The following CYSTM1 variants were observed in gnomAD, a reference collection of about 807,000 sequenced individuals.
The protein encoded by CYSTM1 is cysteine rich transmembrane module containing 1.
A neutral mutation model predicts 13.1 loss-of-function variants in CYSTM1; 4 were observed. That is an observed-to-expected ratio of 0.31 (90% CI 0.15 to 0.70). CYSTM1 has a LOEUF of 0.70. Among genes scored for constraint, CYSTM1 ranks in the 30% least tolerant of loss-of-function variants. The pLI, the probability that CYSTM1 is intolerant of heterozygous loss-of-function variation, is 0.72. For synonymous variants in CYSTM1, 36 were observed against 42.7 expected, an observed-to-expected ratio of 0.84 and a Z score of 0.62; for missense variants, 96 against 121.6, an observed-to-expected ratio of 0.79 and a Z score of 0.99.
chr5:140,231,831 A>G (rs1050671788), intron 2 of CYSTM1, among the ~76,000 whole-genome samples: 6 of 152,222 alleles, frequency 3.9e-5, no homozygotes, highest in Non-Finnish European at 7.3e-5. Context: ...ACAGGCAGGA[A>G]CAAGATGGAG....
chr5:140,193,045 C>G (rs1173034709), intron 1 of CYSTM1, among the ~76,000 whole-genome samples: 1 of 152,184 alleles, frequency 6.6e-6, no homozygotes, highest in East Asian at 1.9e-4. Context: ...AATAAAGTCA[C>G]TTAGGAATTT....
At chr5:140,240,243 C>T (rs372533562) in intron 2 of CYSTM1, among the ~76,000 whole-genome samples, 1 of 152,184 alleles carries the variant, frequency 6.6e-6, no homozygotes, top group East Asian at 1.9e-4. Context: ...TTTTAAATAG[C>T]ATTCCAATTA....
At chr5:140,197,529 G>T (rs1764172444) in intron 2 of CYSTM1, among the ~76,000 whole-genome samples, 1 of 152,144 alleles carries the variant, frequency 6.6e-6, no homozygotes, top group African/African-American at 2.4e-5. Context: ...GTCACCTGGG[G>T]TCCATGTTCT....
At chr5:140,191,388 C>T (rs188922502) in intron 1 of CYSTM1, among the ~76,000 whole-genome samples, 285 of 152,178 alleles carry the variant, frequency 1.9e-3, no homozygotes, top group Middle Eastern at 3.4e-3. Context: ...ATGCTTTTTT[C>T]CTCAGGCAGT....
intron 2 of CYSTM1, among the ~76,000 whole-genome samples, chr5:140,212,854 C>G (rs1764384506): frequency 6.6e-6 from 1 of 151,356 alleles, no homozygotes; most frequent in Non-Finnish European, 1.5e-5. Context: ...GTAATCCCAG[C>G]TACTAGAGAG....
intron 2 of CYSTM1, among the ~76,000 whole-genome samples, chr5:140,237,978 C>G (rs758103088): frequency 6.6e-6 from 1 of 152,196 alleles, no homozygotes; most frequent in Non-Finnish European, 1.5e-5. Flanking sequence ...CCAGACCAAT[C>G]CATGTAAACG....
intron 2 of CYSTM1, among the ~76,000 whole-genome samples, chr5:140,210,519 CTTT>C (rs5871729): frequency 6.8e-6 from 1 of 148,046 alleles, no homozygotes; most frequent in African/African-American, 2.5e-5. Flanking sequence ...TATTTTTCTT[CTTT>C]TTTTTTTTTG....
At chr5:140,181,674 T>C (rs1763963646) in intron 1 of CYSTM1, among the ~76,000 whole-genome samples, 2 of 152,090 alleles carry the variant, frequency 1.3e-5, no homozygotes, top group Non-Finnish European at 2.9e-5. Context: ...TTCATAGAGA[T>C]GGGGGTCTCA....
At chr5:140,207,889 A>C (rs941085885) in intron 2 of CYSTM1, among the ~76,000 whole-genome samples, 1 of 152,180 alleles carries the variant, frequency 6.6e-6, no homozygotes, top group African/African-American at 2.4e-5. Flanking sequence ...TTGATTTGTA[A>C]TTTTATAGTC....
intron 1 of CYSTM1, among the ~76,000 whole-genome samples, chr5:140,181,971 C>T (rs1219139879): frequency 6.6e-6 from 1 of 152,116 alleles, no homozygotes; most frequent in African/African-American, 2.4e-5. Context: ...GAAAGTAAAC[C>T]CTAGTGTTTT....
At chr5:140,194,112 T>C (rs542299262) in intron 1 of CYSTM1, among the ~76,000 whole-genome samples, 2 of 152,290 alleles carry the variant, frequency 1.3e-5, no homozygotes, top group East Asian at 1.9e-4. Context: ...AAACAAAATA[T>C]CTTGCTATTC....
intron 2 of CYSTM1, among the ~76,000 whole-genome samples, chr5:140,210,763 C>A (rs902908404): frequency 7.9e-5 from 12 of 152,120 alleles, no homozygotes; most frequent in African/African-American, 2.7e-4. Context: ...CTGCCCGCCT[C>A]GGCCTCCCAA....
At chr5:140,223,800 T>C (rs1404339698) in intron 2 of CYSTM1, among the ~76,000 whole-genome samples, 1 of 152,176 alleles carries the variant, frequency 6.6e-6, no homozygotes, top group African/African-American at 2.4e-5. Context: ...TTTGCTGCAC[T>C]GGGGTAGGCA....
At chr5:140,211,241 T>A (rs1764362758) in intron 2 of CYSTM1, among the ~76,000 whole-genome samples, 1 of 152,222 alleles carries the variant, frequency 6.6e-6, no homozygotes, top group African/African-American at 2.4e-5. Context: ...CTCCATCATA[T>A]AGATGAAGAA....
rs1403436498 is a variant in CYSTM1 at position 140,230,665 on chromosome 5, A to G, written c.188-12640A>G. ...ATATTGGTTCTAACAGATTTCACTC[A>G]GTTCTTTTGCCTCATAAGCAGAGGC... On this transcript the variant is annotated intron_variant, in intron 2 of 2. Transcript: ENST00000261811. The surrounding 1 kb of genome is among the most constrained non-coding windows in gnomAD (Gnocchi z 4.1). Among the ~76,000 whole-genome samples, 1 of 152,212 alleles carries G rather than the reference A, an allele frequency of 6.6e-6. No homozygotes were observed. Among genetic ancestry groups the G allele is most frequent in the East Asian group, 1.9e-4 (1 of 5,198 alleles).
chr5:140,181,896 G>A (rs1763965729), intron 1 of CYSTM1, among the ~76,000 whole-genome samples: 1 of 152,210 alleles, frequency 6.6e-6, no homozygotes, highest in Admixed American at 6.5e-5. Flanking sequence ...GCTTCCCAAA[G>A]TGCTGGGATC....
At chr5:140,237,215 C>T (rs1764693412) in intron 2 of CYSTM1, among the ~76,000 whole-genome samples, 1 of 152,206 alleles carries the variant, frequency 6.6e-6, no homozygotes, top group Non-Finnish European at 1.5e-5. Flanking sequence ...CCCTGACTCT[C>T]CTTGGGACAC....
chr5:140,241,973 A>G lies in CYSTM1; in HGVS notation c.188-1332A>G, dbSNP rs376217371. ...GCCTCTGCCTCGTCACATGTGCTTG[A>G]ACGAGAGACTTGAGCTCTCTAAGCC... On this transcript the variant is annotated intron_variant, in intron 2 of 2. Coordinates refer to ENST00000261811, the MANE Select transcript of CYSTM1 (RefSeq NM_032412.4). Among the ~76,000 whole-genome samples the G allele has an allele frequency of 1.3e-4, 20 of 152,340 alleles. 1 individual carries two copies. The South Asian group carries it at 4.1e-3, about 32-fold the overall frequency.
intron 2 of CYSTM1, among the ~76,000 whole-genome samples, chr5:140,231,948 C>T (rs1764622615): frequency 6.6e-6 from 1 of 152,120 alleles, no homozygotes; most frequent in South Asian, 2.1e-4. Flanking sequence ...TTTAAGAAAT[C>T]CCTTTGGCTT....
Sources: allele counts gnomAD v4.1 joint callset (sites outside exome capture counted in the v4.1 genomes callset), GRCh38; gene constraint gnomAD v4.1.1; non-coding constraint Gnocchi (gnomAD v3.1); transcripts MANE v1.5; gene names NCBI Gene and HGNC (gene_info 2026-07-23, HGNC 2026-07-21).